Variants in PARP4 observed in about 807,000 individuals in gnomAD.
PARP4 encodes protein mono-ADP-ribosyltransferase PARP4.
PARP4 carries 120 observed loss-of-function variants against 187.7 expected under a neutral mutation model. The observed-to-expected ratio is 0.64, with a 90% CI of 0.55 to 0.74. The LOEUF is 0.74. Among genes scored for constraint, PARP4 ranks in the 30% least tolerant of loss-of-function variants. The probability of loss-of-function intolerance (pLI) is 0.00; values close to 1 mark genes in which losing one functional copy is unlikely to be tolerated. For synonymous variants in PARP4, 654 were observed against 740.9 expected (o/e 0.88, Z 1.90); for missense variants, 1,836 against 2,070.5 (o/e 0.89, Z 2.20).
At chr13:24,506,815 A>AC (rs1869714061) in intron 1 of PARP4, among the ~76,000 whole-genome samples, 2 of 152,096 alleles carry the variant, frequency 1.3e-5, no homozygotes, top group Non-Finnish European at 2.9e-5. Flanking sequence ...CATGCCTTGC[A>AC]CCCGCACTCC....
At chr13:24,479,620 T>C (rs1023983594) in intron 12 of PARP4, among the ~76,000 whole-genome samples, 2 of 152,052 alleles carry the variant, frequency 1.3e-5, no homozygotes, top group African/African-American at 4.8e-5. Context: ...GCTAATCTGG[T>C]GGGGAGGTGG....
intron 33 of PARP4, among the ~76,000 whole-genome samples, chr13:24,425,605 C>CTATATATATATATATATATATA (rs113002264): frequency 6.8e-6 from 1 of 146,916 alleles, no homozygotes; most frequent in African/African-American, 2.6e-5. Flanking sequence ...ATATCTATAT[C>CTATATATATATATATATATATA]TATATATCTC....
chr13:24,481,737 GCCTGTAATC>G (rs1447336332), intron 12 of PARP4, among the ~76,000 whole-genome samples: 1 of 152,142 alleles, frequency 6.6e-6, no homozygotes, highest in East Asian at 1.9e-4. Flanking sequence ...GGCCAGGTAT[GCCTGTAATC>G]CCAGGAGTCT....
chr13:24,426,891 CAAAAAAAAAAA>C (rs5802279), intron 32 of PARP4, among the ~76,000 whole-genome samples: 1 of 93,572 alleles, frequency 1.1e-5, no homozygotes, highest in African/African-American at 3.8e-5. Context: ...GACTCTGTCT[CAAAAAAAAAAA>C]AAAAAAAAAA....
chr13:24,453,534 T>C (rs1871647117), intron 23 of PARP4, 53 bp downstream of exon 23: 2 of 1,158,030 alleles, frequency 1.7e-6, no homozygotes, highest in African/African-American at 3.0e-5. Flanking sequence ...GGAGGTCCCC[T>C]TAAAGCATGG....
At chr13:24,425,860 T>G (rs1487265132) in intron 33 of PARP4, among the ~76,000 whole-genome samples, 4 of 151,924 alleles carry the variant, frequency 2.6e-5, no homozygotes, top group Non-Finnish European at 2.9e-5. Context: ...GCATGGGGTC[T>G]GGATGGCATT....
In PARP4 at chr13:24,475,795, T is replaced by TC. The variant is rs201393636; in HGVS notation, c.1790-200_1790-199insG. 5.0e-3 allele frequency among the ~76,000 whole-genome samples: 754 copies of TC among 152,018 alleles called. 8 individuals carry two copies. The highest frequency in any genetic ancestry group is 0.017 in the African/African-American group (724 of 41,488). Reference sequence around the variant, plus strand: ...AAAATGAGAGGTGCCTTCTGCCTTTTTTTTTTTGAGATAGCATGTCACTCT... The same window carrying TC: ...AAAATGAGAGGTGCCTTCTGCCTTTTCTTTTTTTGAGATAGCATGTCACTCT... On this transcript the variant is annotated intron_variant, in intron 14 of 33. Transcript: ENST00000381989.
intron 6 of PARP4, among the ~76,000 whole-genome samples, chr13:24,495,714 A>G (rs1868906700): frequency 1.3e-5 from 2 of 152,116 alleles, no homozygotes; most frequent in South Asian, 4.1e-4. Context: ...AAGCCACACT[A>G]CTCAGGATAC....
chr13:24,469,222 C>T (rs1004273310), intron 16 of PARP4, 112 bp from the exon 17 acceptor site: 1 of 714,836 alleles, frequency 1.4e-6, no homozygotes, highest in Admixed American at 2.3e-5. Flanking sequence ...AAAACTGAGT[C>T]TAAGGTGAAT....
intron 27 of PARP4, among the ~76,000 whole-genome samples, chr13:24,445,000 G>A (rs1393517510): frequency 1.3e-5 from 2 of 152,150 alleles, no homozygotes; most frequent in Non-Finnish European, 2.9e-5. Flanking sequence ...GACTTCATCT[G>A]CATCACAAGA....
rs3832894 is a variant in PARP4 at position 24,490,642 on chromosome 13, TC to T, written c.1214+25del. 20,343 of 1,574,052 alleles carry T rather than the reference TC, an allele frequency of 0.013. 1,348 individuals are homozygous for T. The East Asian group carries it at 0.19, about 14-fold the overall frequency. ...TCAAAGAGCATTATATTATAACAGA[TC>T]CTGAGATATTTCCTTTATGCTTACC... On this transcript the variant is annotated intron_variant, in intron 10 of 33. Coordinates refer to ENST00000381989, the MANE Select transcript of PARP4 (RefSeq NM_006437.4).
chr13:24,462,357 A>G (rs1872251629), intron 17 of PARP4, among the ~76,000 whole-genome samples: 2 of 152,192 alleles, frequency 1.3e-5, no homozygotes, highest in East Asian at 1.9e-4. Context: ...GGAGAGTAAT[A>G]ATAACAACAG....
At position 24,426,560 on chromosome 13, in the gene PARP4, T is replaced by C. The variant is rs1248430395; in HGVS notation, c.4885A>G (p.Thr1629Ala). 1 of 1,612,552 alleles carries C rather than the reference T, an allele frequency of 6.2e-7. No homozygotes were observed. The highest frequency in any genetic ancestry group is 1.3e-5 in the African/African-American group (1 of 74,952). The change falls in exon 33 of 34, where the codon ACA becomes GCA. Residue 1629 changes from threonine (T) to alanine (A), a missense_variant. By Grantham distance (58) the Thr-to-Ala change is moderately conservative. This residue lies in a region of PARP4 where 45 missense variants were observed against 53.1 expected (regional missense o/e 0.85). Transcript: ENST00000381989. ...GRECLLDLIA[T>A]MLVLQFIRTR... is the part of the protein sequence containing the mutation. ...CGAATAAACTGTAGTACCAGCATTG[T>C]GGCAATTAGGTCCAGGAGACATTCT... is the stretch of plus-strand genomic sequence containing the variant.
intron 15 of PARP4, among the ~76,000 whole-genome samples, chr13:24,474,658 A>T (rs1332571536): frequency 1.1e-4 from 17 of 151,930 alleles, no homozygotes; most frequent in African/African-American, 3.9e-4. Context: ...ACAGTCCCAC[A>T]GGCTTCCTGA....
At chr13:24,451,257 C>A (rs530635360) in intron 24 of PARP4, among the ~76,000 whole-genome samples, 1 of 152,168 alleles carries the variant, frequency 6.6e-6, no homozygotes, top group South Asian at 2.1e-4. Flanking sequence ...CTGCCCTGAG[C>A]GCAGCTGTGA....
intron 12 of PARP4, among the ~76,000 whole-genome samples, chr13:24,480,016 A>G (rs1463572031): frequency 6.6e-6 from 1 of 151,874 alleles, no homozygotes; most frequent in African/African-American, 2.4e-5. Flanking sequence ...TTCACTCCTG[A>G]GCCAGCGAGA....
intron 12 of PARP4, among the ~76,000 whole-genome samples, chr13:24,483,619 T>C (rs992036347): frequency 1.1e-4 from 17 of 152,042 alleles, no homozygotes; most frequent in African/African-American, 4.1e-4. Context: ...TACAGGTGTG[T>C]GCCACTGCAC....
chr13:24,508,012 C>T (rs1004659328), intron 1 of PARP4, among the ~76,000 whole-genome samples: 1 of 152,198 alleles, frequency 6.6e-6, no homozygotes, highest in African/African-American at 2.4e-5. Flanking sequence ...GTAATTCTGC[C>T]TTTCCATAAC....
At position 24,501,678 on chromosome 13, in the gene PARP4, G is replaced by A; in HGVS notation, c.289C>T (p.Pro97Ser). Residue 97 changes from proline to serine, a missense_variant, in exon 3 of 34, where the codon CCC becomes TCC. This residue lies in a region of PARP4 where 1,147 missense variants were observed against 1,214.2 expected (regional missense o/e 0.94). Coordinates refer to ENST00000381989, the MANE Select transcript of PARP4 (RefSeq NM_006437.4). Reference sequence around the variant, plus strand: ...TCAGGAGGTGGTGTGATGTCCAGGGGCTTATAAGGATCATAATTCTTTACA... The same window carrying A: ...TCAGGAGGTGGTGTGATGTCCAGGGACTTATAAGGATCATAATTCTTTACA... ...LDVKNYDPYK[P>S]LDITPPPDQK... The A allele has an allele frequency of 6.2e-7, 1 of 1,613,308 alleles. No individual in the cohort carries two copies. Among genetic ancestry groups the A allele is most frequent in the Non-Finnish European group, 8.5e-7 (1 of 1,179,350 alleles).
Sources: allele counts gnomAD v4.1 joint callset (sites outside exome capture counted in the v4.1 genomes callset), GRCh38; gene constraint gnomAD v4.1.1; regional missense constraint gnomAD v4.1.1; transcripts MANE v1.5; gene names NCBI Gene and HGNC (gene_info 2026-07-23, HGNC 2026-07-21).